ROR2: variants seen among roughly 807,000 people sequenced by gnomAD.
ROR2 encodes ROR family WNT receptor 2, also known as tyrosine-protein kinase transmembrane receptor ROR2.
A neutral mutation model predicts 74.9 loss-of-function variants in ROR2; 33 were observed. That is an observed-to-expected ratio of 0.44 (90% CI 0.33 to 0.59). The LOEUF is 0.59. Ranked by LOEUF, ROR2 falls within the 20% of genes least tolerant of loss-of-function variation. ROR2 has a pLI of 0.02. For missense variants in ROR2, 1,216 were observed against 1,313.8 expected, an observed-to-expected ratio of 0.93 and a Z score of 1.15; for synonymous variants, 586 against 558.7, an observed-to-expected ratio of 1.05 and a Z score of -0.69.
chr9:91,727,885 GC>G lies in ROR2; in HGVS notation c.1184-1143del, dbSNP rs1837098805. On this transcript the variant is annotated intron_variant, in intron 7 of 8. Coordinates refer to ENST00000375708, the MANE Select transcript of ROR2 (RefSeq NM_004560.4). Reference sequence around the variant, plus strand: ...GCACCTTGTCCCAAAACCCAGCCTTGCCCCACCCCTGCTCCCCCAAATAAGA... The same window carrying G: ...GCACCTTGTCCCAAAACCCAGCCTTGCCCACCCCTGCTCCCCCAAATAAGA... 2.0e-5 allele frequency among the ~76,000 whole-genome samples: 3 copies of G among 152,182 alleles called. No individual in the cohort carries two copies. In the South Asian group the frequency reaches 6.2e-4, roughly 32 times the overall value.
intron 1 of ROR2, among the ~76,000 whole-genome samples, chr9:91,916,873 T>C (rs1374320480): frequency 6.6e-6 from 1 of 152,088 alleles, no homozygotes; most frequent in Non-Finnish European, 1.5e-5. Flanking sequence ...GGTAGAAAGA[T>C]TCTCTCAAGA....
intron 1 of ROR2, among the ~76,000 whole-genome samples, chr9:91,849,676 G>C (rs1436329030): frequency 6.6e-6 from 1 of 152,162 alleles, no homozygotes; most frequent in East Asian, 1.9e-4. Context: ...TACTATGCAA[G>C]TATTACGTGA....
At chr9:91,879,412 G>C (rs1009930861) in intron 1 of ROR2, among the ~76,000 whole-genome samples, 2 of 151,336 alleles carry the variant, frequency 1.3e-5, no homozygotes, top group South Asian at 4.2e-4. Context: ...TTCTGAGTGG[G>C]AGTGGGTGTG....
intron 1 of ROR2, among the ~76,000 whole-genome samples, chr9:91,918,077 C>G (rs2119442956): frequency 6.6e-6 from 1 of 152,190 alleles, no homozygotes; most frequent in Non-Finnish European, 1.5e-5. Flanking sequence ...CGAGACCATC[C>G]TGGCTAACAA....
chr9:91,833,802 G>A (rs991308666), intron 1 of ROR2, among the ~76,000 whole-genome samples: 11 of 152,270 alleles, frequency 7.2e-5, no homozygotes, highest in Admixed American at 5.9e-4. Flanking sequence ...GAGCAGACCC[G>A]AGTCCTGCTG....
intron 1 of ROR2, among the ~76,000 whole-genome samples, chr9:91,803,789 T>C (rs1426442089): frequency 6.6e-6 from 1 of 152,230 alleles, no homozygotes. Flanking sequence ...TGTGGCCTTG[T>C]GCATAAAACC....
chr9:91,770,435 G>T (rs958157934), intron 2 of ROR2, among the ~76,000 whole-genome samples: 18 of 152,166 alleles, frequency 1.2e-4, no homozygotes, highest in Non-Finnish European at 2.2e-4. Flanking sequence ...TCACATTCTG[G>T]TCTGGGCACC....
intron 1 of ROR2, among the ~76,000 whole-genome samples, chr9:91,872,824 T>G (rs530183243): frequency 6.6e-6 from 1 of 152,280 alleles, no homozygotes; most frequent in African/African-American, 2.4e-5. Context: ...CTGGATGCTG[T>G]GGTCCCTTAC....
At chr9:91,893,561 C>G (rs924467499) in intron 1 of ROR2, among the ~76,000 whole-genome samples, 4 of 152,354 alleles carry the variant, frequency 2.6e-5, no homozygotes, top group Non-Finnish European at 4.4e-5. Context: ...CCTGCCTATT[C>G]TTCCCATTTT....
Position 91,925,014 on chromosome 9 carries a change from TTTATTA to T in ROR2, c.97+24847_97+24852del, listed in dbSNP as rs1170118733. Among the ~76,000 whole-genome samples, 9 of 151,952 alleles carry T rather than the reference TTTATTA, an allele frequency of 5.9e-5. No homozygotes were observed. The East Asian group carries it at 1.6e-3, about 26-fold the overall frequency. ...CACGAGCCACCACACCTGGCTATTT[TTTATTA>T]TTATTATTATTTGTAGAGATAGGAT... is the stretch of plus-strand genomic sequence containing the variant. On this transcript the variant is annotated intron_variant, in intron 1 of 8. Coordinates refer to ENST00000375708, the MANE Select transcript of ROR2 (RefSeq NM_004560.4).
intron 4 of ROR2, among the ~76,000 whole-genome samples, chr9:91,755,152 AT>A (rs1279968843): frequency 6.7e-6 from 1 of 148,598 alleles, no homozygotes; most frequent in African/African-American, 2.5e-5. Flanking sequence ...AGGCCTGTCT[AT>A]TTGGGGGGGG....
At chr9:91,908,764 T>C (rs1288895646) in intron 1 of ROR2, among the ~76,000 whole-genome samples, 1 of 152,174 alleles carries the variant, frequency 6.6e-6, no homozygotes, top group South Asian at 2.1e-4. Flanking sequence ...AAACATTCAG[T>C]AGAGCCAAAG....
intron 1 of ROR2, among the ~76,000 whole-genome samples, chr9:91,858,467 C>T (rs1459651540): frequency 6.6e-6 from 1 of 152,140 alleles, no homozygotes; most frequent in Non-Finnish European, 1.5e-5. Flanking sequence ...CTCAAAGTGC[C>T]CAATGAGGAG....
intron 1 of ROR2, among the ~76,000 whole-genome samples, chr9:91,915,880 T>C (rs935597184): frequency 3.3e-5 from 5 of 152,146 alleles, no homozygotes; most frequent in African/African-American, 1.2e-4. Context: ...AATCCTCCTA[T>C]AAAACGAAAA....
chr9:91,810,333 G>A (rs538418747), intron 1 of ROR2, among the ~76,000 whole-genome samples: 5 of 152,292 alleles, frequency 3.3e-5, no homozygotes, highest in East Asian at 3.9e-4. Context: ...GAGAGTTCAC[G>A]TGGCAAACAT....
chr9:91,775,821 G>T lies in ROR2; in HGVS notation c.98-3C>A. On this transcript the variant is annotated splice_region_variant and splice_polypyrimidine_tract_variant and intron_variant, in intron 1 of 8. Transcript: ENST00000375708. ...CGGATCCAGAACCTCCACTTCACCT[G>T]GGAAAAAGAAACCAGGATAGGTATT... The T allele has an allele frequency of 2.5e-6, 4 of 1,613,878 alleles. No homozygotes were observed. Among genetic ancestry groups the T allele is most frequent in the Non-Finnish European group, 3.4e-6 (4 of 1,179,842 alleles).
chr9:91,875,127 A>G (rs1196432621), intron 1 of ROR2, among the ~76,000 whole-genome samples: 1 of 152,172 alleles, frequency 6.6e-6, no homozygotes, highest in African/African-American at 2.4e-5. Flanking sequence ...AGTTATGCCA[A>G]CCAATTAACG....
chr9:91,855,413 G>A (rs1829248104), intron 1 of ROR2, among the ~76,000 whole-genome samples: 1 of 152,258 alleles, frequency 6.6e-6, no homozygotes, highest in South Asian at 2.1e-4. Flanking sequence ...CGCCAGGGCA[G>A]CCTGGCCCTA....
At chr9:91,804,558 G>A (rs1458938471) in intron 1 of ROR2, among the ~76,000 whole-genome samples, 1 of 152,222 alleles carries the variant, frequency 6.6e-6, no homozygotes, top group Non-Finnish European at 1.5e-5. Flanking sequence ...GCTCACATGG[G>A]CCACGCTTTA....
Sources: allele counts gnomAD v4.1 joint callset (sites outside exome capture counted in the v4.1 genomes callset), GRCh38; gene constraint gnomAD v4.1.1; transcripts MANE v1.5; gene names NCBI Gene and HGNC (gene_info 2026-07-23, HGNC 2026-07-21).